The following CHD8 variants were observed in gnomAD, a reference collection of about 807,000 sequenced individuals.
CHD8 encodes the protein ATP-dependent chromatin remodeler CHD8.
CHD8 carries 31 observed loss-of-function variants against 279.2 expected under a neutral mutation model. That is an observed-to-expected ratio of 0.11 (90% CI 0.08 to 0.15). The LOEUF (loss-of-function observed/expected upper bound fraction) is 0.15. Ranked by LOEUF, CHD8 falls within the 10% of genes least tolerant of loss-of-function variation. The pLI, the probability that CHD8 is intolerant of heterozygous loss-of-function variation, is 1.00. For missense variants in CHD8, 2,146 were observed against 3,230.5 expected, an observed-to-expected ratio of 0.66 and a Z score of 8.14; for synonymous variants, 1,081 against 1,139.6, an observed-to-expected ratio of 0.95 and a Z score of 1.04.
intron 1 of CHD8, among the ~76,000 whole-genome samples, chr14:21,450,452 TATA>T (rs1890230617): frequency 6.6e-6 from 1 of 152,198 alleles, no homozygotes; most frequent in South Asian, 2.1e-4. Context: ...CAAAGGTTTC[TATA>T]ATAACACAAG....
At chr14:21,433,928 G>A (rs7155942) in intron 1 of CHD8, among the ~76,000 whole-genome samples, 150,902 of 152,264 alleles carry the variant, frequency 0.99, 74,788 homozygotes, top group East Asian at 1. Context: ...ATTATCATCA[G>A]CTTTTTTCCA....
chr14:21,410,517 T>G (rs1888444509), intron 10 of CHD8, among the ~76,000 whole-genome samples: 1 of 152,082 alleles, frequency 6.6e-6, no homozygotes, highest in Non-Finnish European at 1.5e-5. Context: ...CAAGAGGTTA[T>G]CACCAAAAAG....
chr14:21,452,927 G>T (rs1050168407), intron 1 of CHD8, among the ~76,000 whole-genome samples: 12 of 150,524 alleles, frequency 8.0e-5, no homozygotes, highest in Non-Finnish European at 1.3e-4. Context: ...AGCTTTCAGT[G>T]AGCAAAGATC....
intron 9 of CHD8, among the ~76,000 whole-genome samples, chr14:21,413,233 T>C (rs1888577676): frequency 6.6e-6 from 1 of 152,194 alleles, no homozygotes; most frequent in Non-Finnish European, 1.5e-5. Context: ...CTTCTCTCCA[T>C]ATATGCTCTG....
At chr14:21,399,230 T>G (rs773864025) in intron 26 of CHD8, 13 of 302,518 alleles carry the variant, frequency 4.3e-5, no homozygotes, top group Non-Finnish European at 7.2e-5. Context: ...GTTATGCTAG[T>G]GCACATCCAG....
chr14:21,418,039 G>A (rs1292223088), intron 5 of CHD8, among the ~76,000 whole-genome samples: 1 of 151,548 alleles, frequency 6.6e-6, no homozygotes, highest in Non-Finnish European at 1.5e-5. Context: ...TTCCTACAAA[G>A]TCACGTTTGT....
chr14:21,418,580 CCAAGG>C (rs1888854916), intron 5 of CHD8, among the ~76,000 whole-genome samples: 2 of 151,876 alleles, frequency 1.3e-5, no homozygotes, highest in African/African-American at 2.4e-5. Context: ...CTTTGGGAGG[CCAAGG>C]TGGGCATATC....
At chr14:21,393,009 T>A in intron 33 of CHD8, 97 bp downstream of exon 33, 1 of 1,389,828 alleles carries the variant, frequency 7.2e-7, no homozygotes, top group Non-Finnish European at 9.7e-7. Flanking sequence ...ATAAACACAA[T>A]TTTAAAAATC....
Position 21,385,846 on chromosome 14 carries a change from G to C in CHD8, c.7513C>G (p.His2505Asp). Residue 2505 changes from histidine (H) to aspartate (D), a missense_variant, in exon 38 of 38, where the codon CAC (histidine) becomes GAC (aspartate). Physicochemically the swap from His to Asp is moderately conservative, Grantham distance 81. Around this residue, in one of 26 missense-constraint regions of CHD8, gnomAD observed 336 missense variants for 392.9 expected, o/e 0.86. Transcript: ENST00000646647. ...GCTCTCAAGCCTGGATGGTGATGGTGGTGATGGTGGGGGTGGGGGTGGTGG... is the reference window on the plus strand; with the variant it reads ...GCTCTCAAGCCTGGATGGTGATGGTCGTGATGGTGGGGGTGGGGGTGGTGG... ...HHHHPHPHHH[H>D]HHHPGLRAPG... 6.5e-7 allele frequency: 1 copy of C among 1,549,524 alleles called. No homozygotes were observed. Among genetic ancestry groups the C allele is most frequent in the Non-Finnish European group, 8.7e-7 (1 of 1,146,586 alleles).
chr14:21,414,993 G>T lies in CHD8; in HGVS notation c.1969C>A (p.Leu657Ile). The part of the protein sequence containing the change: ...VLSMRIVKKE[L>I]PSGQYTEAEE... Reference sequence around the variant, plus strand: ...GCTTCAGTATATTGTCCAGAAGGGAGCTAAGAAAAAAGAAATAAATTAGTC... The same window carrying T: ...GCTTCAGTATATTGTCCAGAAGGGATCTAAGAAAAAAGAAATAAATTAGTC... The change falls in exon 8 of 38, where the codon CTC becomes ATC. Residue 657 changes from leucine to isoleucine, a missense_variant and splice_region_variant. Around this residue, in one of 26 missense-constraint regions of CHD8, gnomAD observed 24 missense variants for 56.7 expected, o/e 0.42. Transcript: ENST00000646647. The T allele has an allele frequency of 6.3e-7, 1 of 1,584,500 alleles. No homozygotes were observed. Among genetic ancestry groups the T allele is most frequent in the Non-Finnish European group, 8.6e-7 (1 of 1,162,388 alleles).
chr14:21,427,205 T>C (rs899812979), intron 4 of CHD8: 5 of 162,886 alleles, frequency 3.1e-5, no homozygotes, highest in Middle Eastern at 3.2e-3. Context: ...ACACATAAGT[T>C]CCTCAATGCT....
intron 1 of CHD8, among the ~76,000 whole-genome samples, chr14:21,436,120 A>C (rs1020754902): frequency 6.6e-6 from 1 of 152,220 alleles, no homozygotes; most frequent in Non-Finnish European, 1.5e-5. Context: ...TGTAATGTGC[A>C]CTTTTAGAAA....
intron 1 of CHD8, among the ~76,000 whole-genome samples, chr14:21,453,085 G>T (rs1360063691): frequency 6.6e-6 from 1 of 151,814 alleles, no homozygotes; most frequent in Non-Finnish European, 1.5e-5. Flanking sequence ...AAGGTGGGTG[G>T]ATCACTTGAG....
chr14:21,426,660 T>C (rs547740197), intron 4 of CHD8: 2 of 154,558 alleles, frequency 1.3e-5, no homozygotes, highest in African/African-American at 4.8e-5. Context: ...TAAAACTGTC[T>C]TTTAAAAGCT....
chr14:21,414,163 G>A (rs1472479112), intron 9 of CHD8, 138 bp downstream of exon 9: 11 of 605,176 alleles, frequency 1.8e-5, no homozygotes, highest in African/African-American at 1.1e-4. Context: ...AGTAAGGGAA[G>A]TCAATGACCA....
chr14:21,402,450 GCGGTACA>G lies in CHD8; in HGVS notation c.3761_3767del (p.Val1254AlafsTer30), dbSNP rs1888077345. On this transcript the variant is annotated frameshift_variant, in exon 19 of 38. Coordinates refer to ENST00000646647, the MANE Select transcript of CHD8 (RefSeq NM_001170629.2). LOFTEE classifies it high-confidence loss of function. The surrounding 1 kb of genome is among the most constrained non-coding windows in gnomAD (Gnocchi z 4.5). ...TCTCGTAGGAATTACGAGTGATGAGGCGGTACACCTTCACAGCTTTGCTCTGCCCAAT... is the reference window on the plus strand; with the variant it reads ...TCTCGTAGGAATTACGAGTGATGAGGCCTTCACAGCTTTGCTCTGCCCAAT... 1 of 1,614,030 alleles carries G rather than the reference GCGGTACA, an allele frequency of 6.2e-7. No individual in the cohort carries two copies. The highest frequency in any genetic ancestry group is 1.3e-5 in the African/African-American group (1 of 74,906).
At position 21,450,698 on chromosome 14, in the gene CHD8, G is replaced by T. The variant is rs138402268; in HGVS notation, c.-216+5334C>A. 4.0e-3 allele frequency among the ~76,000 whole-genome samples: 614 copies of T among 151,734 alleles called. 3 individuals carry two copies. Among genetic ancestry groups the T allele is most frequent in the African/African-American group, 0.014 (584 of 41,372 alleles). ...AACAGAAAAAAAGAAAAAAAAAAGC[G>T]TAAGACCTTATAGCTGTTCAGTAGC... On this transcript the variant is annotated intron_variant, in intron 1 of 37. Coordinates refer to ENST00000646647, the MANE Select transcript of CHD8 (RefSeq NM_001170629.2).
intron 37 of CHD8, among the ~76,000 whole-genome samples, chr14:21,389,533 C>T (rs1264750940): frequency 6.6e-6 from 1 of 152,146 alleles, no homozygotes; most frequent in Non-Finnish European, 1.5e-5. Flanking sequence ...ATCACTTGAA[C>T]CGGGGATGCA....
chr14:21,407,128 G>T, intron 13 of CHD8, 96 bp from the exon 14 acceptor site: 1 of 1,006,312 alleles, frequency 9.9e-7, no homozygotes, highest in Non-Finnish European at 1.4e-6. Flanking sequence ...ATGTTTAATA[G>T]GCAATACAAA....
Sources: allele counts gnomAD v4.1 joint callset (sites outside exome capture counted in the v4.1 genomes callset), GRCh38; gene constraint gnomAD v4.1.1; regional missense constraint gnomAD v4.1.1; non-coding constraint Gnocchi (gnomAD v3.1); transcripts MANE v1.5; gene names NCBI Gene and HGNC (gene_info 2026-07-23, HGNC 2026-07-21).